The following GPC6 variants were observed in gnomAD, a reference collection of about 807,000 sequenced individuals.
GPC6 encodes the protein glypican-6.
In GPC6, 14 loss-of-function variants were observed where a neutral mutation model predicts 55.2. The observed-to-expected ratio is 0.25, with a 90% CI of 0.17 to 0.40. The LOEUF (loss-of-function observed/expected upper bound fraction) is 0.40. Ranked by LOEUF, GPC6 falls within the 10% of genes least tolerant of loss-of-function variation. The pLI, the probability that GPC6 is intolerant of heterozygous loss-of-function variation, is 1.00. For synonymous variants in GPC6, 278 were observed against 259.6 expected, an observed-to-expected ratio of 1.07 and a Z score of -0.68; for missense variants, 641 against 708.5, an observed-to-expected ratio of 0.90 and a Z score of 1.08.
At chr13:93,219,089 TA>T in the GPC6 span, among the ~76,000 whole-genome samples, 29,273 of 137,586 alleles carry the variant, frequency 0.21, 2,554 homozygotes, top group African/African-American at 0.24. Flanking sequence ...CTTTCTTTCC[TA>T]TTTTTTTTTT....
At chr13:94,313,782 C>T (rs957080531) in intron 6 of GPC6, among the ~76,000 whole-genome samples, 13 of 152,240 alleles carry the variant, frequency 8.5e-5, no homozygotes, top group African/African-American at 3.1e-4. Context: ...CTCCTTTATC[C>T]TCAGAAACAC....
chr13:93,623,455 C>CTTTTTTTT (rs567830011), intron 2 of GPC6, among the ~76,000 whole-genome samples: 3 of 116,188 alleles, frequency 2.6e-5, no homozygotes, highest in African/African-American at 1.0e-4. Flanking sequence ...CTTTTCTTTT[C>CTTTTTTTT]TTTTTTTTTT....
intron 5 of GPC6, among the ~76,000 whole-genome samples, chr13:94,288,849 A>G (rs1372717163): frequency 3.0e-5 from 3 of 101,620 alleles, no homozygotes; most frequent in Non-Finnish European, 4.3e-5. Context: ...TAACAAATAT[A>G]TATAATAAAT....
intron 1 of GPC6, among the ~76,000 whole-genome samples, chr13:93,494,470 T>C (rs1025904592): frequency 6.6e-6 from 1 of 152,170 alleles, no homozygotes; most frequent in Admixed American, 6.5e-5. Flanking sequence ...GTCTTGACTT[T>C]TTATCCAGCT....
chr13:93,884,230 TC>T (rs1269808301), intron 3 of GPC6, among the ~76,000 whole-genome samples: 1 of 152,120 alleles, frequency 6.6e-6, no homozygotes, highest in Non-Finnish European at 1.5e-5. Flanking sequence ...TTTCCTCTTT[TC>T]CCCATAGAAT....
intron 4 of GPC6, among the ~76,000 whole-genome samples, chr13:94,219,406 C>G (rs1233257866): frequency 2.0e-5 from 3 of 152,190 alleles, no homozygotes; most frequent in Non-Finnish European, 4.4e-5. Context: ...GTACCAGACA[C>G]TAGGGGCTCT....
chr13:93,885,105 A>T (rs1875244013), intron 3 of GPC6, among the ~76,000 whole-genome samples: 1 of 152,176 alleles, frequency 6.6e-6, no homozygotes, highest in African/African-American at 2.4e-5. Flanking sequence ...CCTAATGAGG[A>T]AAATAGATAG....
intron 2 of GPC6, among the ~76,000 whole-genome samples, chr13:93,691,801 G>A (rs1480156709): frequency 6.6e-6 from 1 of 152,000 alleles, no homozygotes; most frequent in East Asian, 1.9e-4. Flanking sequence ...GATCTTATAT[G>A]CCGTGATATA....
At chr13:93,330,825 A>G (rs928298028) in intron 1 of GPC6, among the ~76,000 whole-genome samples, 2 of 152,192 alleles carry the variant, frequency 1.3e-5, no homozygotes, top group African/African-American at 4.8e-5. Flanking sequence ...TTTTATTTCT[A>G]ATCATACGCA....
At chr13:93,782,685 T>C (rs1480012635) in intron 2 of GPC6, among the ~76,000 whole-genome samples, 1 of 152,204 alleles carries the variant, frequency 6.6e-6, no homozygotes, top group African/African-American at 2.4e-5. Context: ...TTAGTGATGT[T>C]GAGCACTTTT....
chr13:93,394,657 G>A (rs1054989615), intron 1 of GPC6, among the ~76,000 whole-genome samples: 6 of 152,276 alleles, frequency 3.9e-5, no homozygotes, highest in Non-Finnish European at 8.8e-5. Context: ...AGGCTCAAGT[G>A]ATGCAAACCA....
intron 3 of GPC6, among the ~76,000 whole-genome samples, chr13:93,882,855 A>T (rs960971989): frequency 2.6e-5 from 4 of 152,272 alleles, no homozygotes; most frequent in African/African-American, 9.6e-5. Flanking sequence ...TGGAGGAGGT[A>T]GCCTTGAACA....
intron 2 of GPC6, among the ~76,000 whole-genome samples, chr13:93,601,104 C>T (rs1027254952): frequency 1.3e-5 from 2 of 151,528 alleles, no homozygotes; most frequent in Non-Finnish European, 2.9e-5. Flanking sequence ...AGAATTAAAA[C>T]ATGTTGGGGA....
chr13:93,367,691 T>C (rs778507006), intron 1 of GPC6, among the ~76,000 whole-genome samples: 10 of 152,118 alleles, frequency 6.6e-5, no homozygotes, highest in Non-Finnish European at 1.3e-4. Flanking sequence ...CTTTGACCCA[T>C]AGATTATTTA....
intron 1 of GPC6, among the ~76,000 whole-genome samples, chr13:93,309,270 T>A: frequency 6.6e-6 from 1 of 150,644 alleles, no homozygotes; most frequent in South Asian, 2.1e-4. Context: ...TTTTGGTAGG[T>A]AAGTCTTTAT....
intron 1 of GPC6, among the ~76,000 whole-genome samples, chr13:93,479,796 T>C (rs769183583): frequency 6.6e-6 from 1 of 152,224 alleles, no homozygotes; most frequent in Non-Finnish European, 1.5e-5. Flanking sequence ...AGAGTTCATA[T>C]AGAAGGCTGA....
At chr13:93,542,708 G>A (rs1882368649) in intron 1 of GPC6, among the ~76,000 whole-genome samples, 1 of 152,176 alleles carries the variant, frequency 6.6e-6, no homozygotes, top group South Asian at 2.1e-4. Context: ...ATTGAGCAGT[G>A]ATTTGTAGTT....
intron 3 of GPC6, among the ~76,000 whole-genome samples, chr13:93,843,234 G>T (rs1888023545): frequency 6.6e-6 from 1 of 152,048 alleles, no homozygotes; most frequent in Non-Finnish European, 1.5e-5. Flanking sequence ...CACATCGTTT[G>T]TTTGCATGTG....
At chr13:94,240,808 G>A (rs1477339310) in intron 4 of GPC6, among the ~76,000 whole-genome samples, 1 of 152,114 alleles carries the variant, frequency 6.6e-6, no homozygotes, top group Non-Finnish European at 1.5e-5. Context: ...TGGAATTACA[G>A]AGGAAGCAGG....
Sources: gnomAD v4.1 joint callset for allele counts (sites outside exome capture counted in the v4.1 genomes callset) on GRCh38, gnomAD v4.1.1 for gene constraint, MANE v1.5 for transcripts, NCBI Gene and HGNC (gene_info 2026-07-23, HGNC 2026-07-21) for gene names.